NXPE4: variants seen among roughly 807,000 people sequenced by gnomAD.
The protein encoded by NXPE4 is NXPE family member 4.
A neutral mutation model predicts 33.3 loss-of-function variants in NXPE4; 42 were observed. The ratio of observed to expected loss-of-function variants is 1.26; its 90% CI spans 0.98 to 1.63. The LOEUF is 1.63. Among genes scored for constraint, NXPE4 ranks in the 40% most tolerant of loss-of-function variants. The probability of loss-of-function intolerance (pLI) is 0.00; values close to 1 mark genes in which losing one functional copy is unlikely to be tolerated. For missense variants in NXPE4, 709 were observed against 647.6 expected (o/e 1.09, Z -1.03); for synonymous variants, 253 against 234.9 (o/e 1.08, Z -0.71).
the NXPE4 span, among the ~76,000 whole-genome samples, chr11:114,605,508 G>A: frequency 1.3e-4 from 20 of 151,712 alleles, no homozygotes; most frequent in African/African-American, 3.6e-4. Flanking sequence ...GTGTTGCCCC[G>A]TGGGTAACCA....
At chr11:114,633,693 CTA>C in the NXPE4 span, among the ~76,000 whole-genome samples, 3 of 151,412 alleles carry the variant, frequency 2.0e-5, no homozygotes, top group Non-Finnish European at 4.4e-5. Context: ...CAATTCCCAC[CTA>C]TGAGTGAGAA....
the NXPE4 span, among the ~76,000 whole-genome samples, chr11:114,605,758 A>G: frequency 3.3e-5 from 5 of 151,698 alleles, no homozygotes; most frequent in Non-Finnish European, 7.4e-5. Context: ...TATTGCCCCT[A>G]GGGTAATCAC....
At chr11:114,644,047 T>C in the NXPE4 span, among the ~76,000 whole-genome samples, 3 of 149,788 alleles carry the variant, frequency 2.0e-5, no homozygotes, top group Non-Finnish European at 4.4e-5. Context: ...AGTTCACTAA[T>C]GTTTTGGCTC....
the NXPE4 span, among the ~76,000 whole-genome samples, chr11:114,609,000 GATA>G: frequency 6.6e-6 from 1 of 151,902 alleles, no homozygotes; most frequent in African/African-American, 2.4e-5. Context: ...TTGCCAGGTG[GATA>G]ATAAGTGTTG....
chr11:114,671,720 A>G, the NXPE4 span, among the ~76,000 whole-genome samples: 63 of 152,110 alleles, frequency 4.1e-4, no homozygotes, highest in East Asian at 0.012. Context: ...GTGAAGAGGA[A>G]AAAGAGAAAT....
chr11:114,628,520 A>T, the NXPE4 span, among the ~76,000 whole-genome samples: 1 of 151,916 alleles, frequency 6.6e-6, no homozygotes, highest in Admixed American at 6.6e-5. Flanking sequence ...CATTCAAAGC[A>T]GTGTGTAGAG....
At chr11:114,585,522 A>G (rs935313960) in intron 2 of NXPE4, among the ~76,000 whole-genome samples, 3 of 152,136 alleles carry the variant, frequency 2.0e-5, no homozygotes, top group Non-Finnish European at 2.9e-5. Flanking sequence ...AAAACTGTAA[A>G]AAGAGAAAAA....
intron 3 of NXPE4, 75 bp from the exon 4 acceptor site, chr11:114,581,861 G>C (rs1193570074): frequency 1.0e-6 from 1 of 955,780 alleles, no homozygotes; most frequent in Non-Finnish European, 1.6e-6. Flanking sequence ...AGATTATCCA[G>C]TGCCTCAGTT....
chr11:114,580,479 C>G (rs375019848), intron 4 of NXPE4, 141 bp from the exon 5 acceptor site: 3 of 651,928 alleles, frequency 4.6e-6, no homozygotes, highest in African/African-American at 1.8e-5. Flanking sequence ...GAAGTATTCT[C>G]TTAATGGAAC....
At chr11:114,602,022 T>G in the NXPE4 span, among the ~76,000 whole-genome samples, 177 of 90,244 alleles carry the variant, frequency 2.0e-3, no homozygotes, top group Non-Finnish European at 2.9e-3. Context: ...TTATATATAA[T>G]ATATGTTATA....
At chr11:114,659,647 T>A in the NXPE4 span, among the ~76,000 whole-genome samples, 1 of 151,954 alleles carries the variant, frequency 6.6e-6, no homozygotes, top group Non-Finnish European at 1.5e-5. Context: ...AAATAATATA[T>A]CAAAATATGG....
chr11:114,640,426 G>A, the NXPE4 span, among the ~76,000 whole-genome samples: 9 of 151,134 alleles, frequency 6.0e-5, no homozygotes, highest in East Asian at 7.7e-4. Flanking sequence ...ATATATTCAC[G>A]TGCAGATGTC....
At chr11:114,670,141 G>A in the NXPE4 span, among the ~76,000 whole-genome samples, 1 of 152,012 alleles carries the variant, frequency 6.6e-6, no homozygotes, top group Non-Finnish European at 1.5e-5. Flanking sequence ...CCATAGAGCA[G>A]TTTATGCCCC....
At chr11:114,676,788 A>T in the NXPE4 span, among the ~76,000 whole-genome samples, 1 of 152,104 alleles carries the variant, frequency 6.6e-6, no homozygotes, top group African/African-American at 2.4e-5. Flanking sequence ...TCAGTATTTA[A>T]GAAGATATCT....
the NXPE4 span, among the ~76,000 whole-genome samples, chr11:114,660,810 T>G: frequency 6.6e-6 from 1 of 152,204 alleles, no homozygotes; most frequent in African/African-American, 2.4e-5. Flanking sequence ...CAACTACATA[T>G]TTTCACAGCC....
At chr11:114,633,435 A>G in the NXPE4 span, among the ~76,000 whole-genome samples, 3 of 146,494 alleles carry the variant, frequency 2.0e-5, no homozygotes, top group East Asian at 2.0e-4. Flanking sequence ...AATATAGTAT[A>G]GTATACAATG....
intron 5 of NXPE4, among the ~76,000 whole-genome samples, chr11:114,576,412 C>T (rs1008465403): frequency 6.6e-6 from 1 of 152,014 alleles, no homozygotes; most frequent in East Asian, 1.9e-4. Context: ...AGTTAACAGA[C>T]AACTCACAGA....
chr11:114,584,193 A>G lies in NXPE4; in HGVS notation c.97-1172T>C, dbSNP rs182740817. 221 of 350,242 alleles carry G rather than the reference A, an allele frequency of 6.3e-4. 1 individual carries two copies. Among genetic ancestry groups the G allele is most frequent in the Non-Finnish European group, 6.4e-4 (113 of 176,766 alleles). The allele number at this position is 350,242 out of a possible 1,614,324, so 21.7% of individuals were successfully genotyped here. A position where few individuals can be genotyped will look rare whatever the true frequency, so the allele number is the denominator to read the frequency against. The stretch of plus-strand genomic sequence containing the variant: ...TATAATGTTGCTCAGTGCCCTGGAA[A>G]TAAGAAAGAGCTGTGGCTCTGGATA... On this transcript the variant is annotated intron_variant, in intron 2 of 5. Transcript: ENST00000375478.
chr11:114,657,857 G>T, the NXPE4 span, among the ~76,000 whole-genome samples: 4 of 152,234 alleles, frequency 2.6e-5, no homozygotes, highest in African/African-American at 9.6e-5. Flanking sequence ...TACAGACTGA[G>T]CAAAATCTCT....
Sources: allele counts gnomAD v4.1 joint callset (sites outside exome capture counted in the v4.1 genomes callset), GRCh38; gene constraint gnomAD v4.1.1; transcripts MANE v1.5; gene names NCBI Gene and HGNC (gene_info 2026-07-23, HGNC 2026-07-21).